Variants in CDH23 observed in about 807,000 individuals in gnomAD.
CDH23 encodes the protein cadherin related 23, also known as cadherin-23.
Under a neutral mutation model 317.1 loss-of-function variants are expected in CDH23, and 189 were observed. The ratio of observed to expected loss-of-function variants is 0.60; its 90% CI spans 0.53 to 0.67. The LOEUF (loss-of-function observed/expected upper bound fraction) is 0.67. Among genes scored for constraint, CDH23 ranks in the 30% least tolerant of loss-of-function variants. The probability of loss-of-function intolerance (pLI) is 0.00; values close to 1 mark genes in which losing one functional copy is unlikely to be tolerated. For synonymous variants in CDH23, 1,839 were observed against 1,876.8 expected (o/e 0.98, Z 0.52); for missense variants, 4,401 against 4,592.4 (o/e 0.96, Z 1.20).
intron 1 of CDH23, among the ~76,000 whole-genome samples, chr10:71,409,687 T>G (rs553477479): frequency 6.6e-6 from 1 of 152,218 alleles, no homozygotes; most frequent in East Asian, 1.9e-4. Context: ...GCCTGACCCC[T>G]GAGGAGCTCC....
At chr10:71,492,616 T>C (rs563152455) in intron 3 of CDH23, among the ~76,000 whole-genome samples, 1 of 152,320 alleles carries the variant, frequency 6.6e-6, no homozygotes, top group African/African-American at 2.4e-5. Context: ...CAGGTCACTC[T>C]CATTTTTTCA....
At chr10:71,505,511 G>A (rs1001265485) in intron 3 of CDH23, among the ~76,000 whole-genome samples, 3 of 152,134 alleles carry the variant, frequency 2.0e-5, no homozygotes, top group Admixed American at 6.5e-5. Flanking sequence ...ATTGGTTCCC[G>A]GCACTTCCCG....
rs12244884 is a variant in CDH23 at position 71,790,642 on chromosome 10, C to T, written c.6049+229C>T. The stretch of plus-strand genomic sequence containing the variant: ...GATACACAGGACCTCTGTTGGTGCA[C>T]GAACTCTCAGCCTGGGCCGGGAGCC... On this transcript the variant is annotated intron_variant, in intron 46 of 69. Coordinates refer to ENST00000224721, the MANE Select transcript of CDH23 (RefSeq NM_022124.6). 2,989 of 581,178 alleles carry T rather than the reference C, an allele frequency of 5.1e-3. 66 individuals are homozygous for T. The highest frequency in any genetic ancestry group is 0.051 in the African/African-American group (2,737 of 53,628). 36.0% of individuals were successfully genotyped at this position (581,178 alleles called of 1,614,324 possible). A position where few individuals can be genotyped will look rare whatever the true frequency, so the allele number is the denominator to read the frequency against.
At chr10:71,550,514 C>G (rs914698039) in intron 6 of CDH23, among the ~76,000 whole-genome samples, 1 of 130,702 alleles carries the variant, frequency 7.7e-6, no homozygotes, top group Non-Finnish European at 1.5e-5. Flanking sequence ...AAGCTGTGAT[C>G]GTGCCACTGC....
intron 9 of CDH23, among the ~76,000 whole-genome samples, chr10:71,585,188 T>C (rs1333411428): frequency 6.6e-6 from 1 of 151,746 alleles, no homozygotes; most frequent in Non-Finnish European, 1.5e-5. Flanking sequence ...GTACTGAAAA[T>C]AGATGATGTG....
chr10:71,547,449 G>A (rs1361313929), intron 6 of CDH23, among the ~76,000 whole-genome samples: 1 of 152,250 alleles, frequency 6.6e-6, no homozygotes, highest in African/African-American at 2.4e-5. Flanking sequence ...AGGCAGGCCA[G>A]GCAGCGCAGG....
At chr10:71,772,300 C>T (rs980973272) in intron 38 of CDH23, among the ~76,000 whole-genome samples, 1 of 152,128 alleles carries the variant, frequency 6.6e-6, no homozygotes, top group Non-Finnish European at 1.5e-5. Context: ...ATCACCCTCT[C>T]CTTCTATTCC....
chr10:71,570,664 G>T, intron 7 of CDH23, 126 bp from the exon 8 acceptor site: 3 of 1,015,282 alleles, frequency 3.0e-6, no homozygotes, highest in Non-Finnish European at 4.4e-6. Context: ...ATGGGTGTGT[G>T]TGTGCGTGTG....
Position 71,712,654 on chromosome 10 carries a change from A to C in CDH23, c.3221-11A>C, listed in dbSNP as rs1866022232. The stretch of plus-strand genomic sequence containing the variant: ...CAGCTGCTAACACCTGTCTTCCTTC[A>C]ACTCCCACAGACAACGGCCCTGTAG... On this transcript the variant is annotated splice_polypyrimidine_tract_variant and intron_variant, in intron 27 of 69. Coordinates refer to ENST00000224721, the MANE Select transcript of CDH23 (RefSeq NM_022124.6). 1.2e-6 allele frequency: 2 copies of C among 1,612,688 alleles called. No individual in the cohort carries two copies. The highest frequency in any genetic ancestry group is 1.7e-6 in the Non-Finnish European group (2 of 1,179,204).
In CDH23 at chr10:71,815,623, T is replaced by C; in HGVS notation, c.*345T>C. ...AAGAGGCCAAACAGGCCCTCCTCCC[T>C]CCCAGCTCCACCCCGCAAGCACCAT... On this transcript the variant is annotated 3_prime_UTR_variant, in exon 70 of 70. Coordinates refer to ENST00000224721, the MANE Select transcript of CDH23 (RefSeq NM_022124.6). 4.6e-6 allele frequency: 1 copy of C among 217,342 alleles called. No homozygotes were observed. Among genetic ancestry groups the C allele is most frequent in the Non-Finnish European group, 9.1e-6 (1 of 109,456 alleles). The allele number at this position is 217,342 out of a possible 1,614,324, so 13.5% of individuals were successfully genotyped here. A position where few individuals can be genotyped will look rare whatever the true frequency, so the allele number is the denominator to read the frequency against.
At chr10:71,614,157 C>T (rs1018235177) in intron 9 of CDH23, among the ~76,000 whole-genome samples, 1 of 152,212 alleles carries the variant, frequency 6.6e-6, no homozygotes, top group Non-Finnish European at 1.5e-5. Flanking sequence ...CTGTAAACAG[C>T]CCCTCCCTGC....
rs999996243 is a variant in CDH23 at position 71,397,350 on chromosome 10, C to G, written c.-6+32C>G. 6.5e-6 allele frequency: 1 copy of G among 152,924 alleles called. No individual in the cohort carries two copies. Among genetic ancestry groups the G allele is most frequent in the African/African-American group, 2.4e-5 (1 of 41,296 alleles). 9.5% of individuals were successfully genotyped at this position (152,924 alleles called of 1,614,324 possible). Reference sequence around the variant, plus strand: ...GGAGCCACGCACCGCCTCTTCCCTCCTCGCTTCCCTCTCCTTCCCCTCGCC... The same window carrying G: ...GGAGCCACGCACCGCCTCTTCCCTCGTCGCTTCCCTCTCCTTCCCCTCGCC... On this transcript the variant is annotated intron_variant, in intron 1 of 69. Coordinates refer to ENST00000224721, the MANE Select transcript of CDH23 (RefSeq NM_022124.6). The surrounding 1 kb of genome is among the most constrained non-coding windows in gnomAD (Gnocchi z 4.8).
At chr10:71,693,401 A>G (rs768595613) in intron 20 of CDH23, among the ~76,000 whole-genome samples, 28 of 152,248 alleles carry the variant, frequency 1.8e-4, no homozygotes, top group Non-Finnish European at 3.1e-4. Flanking sequence ...CGAACAAGAA[A>G]TGTTGTTTAA....
chr10:71,466,681 G>A (rs535946530), intron 3 of CDH23, among the ~76,000 whole-genome samples: 3 of 152,178 alleles, frequency 2.0e-5, no homozygotes, highest in African/African-American at 7.2e-5. Context: ...GTGCGTCCTT[G>A]TCCACATTTG....
In CDH23 at chr10:71,740,592, C is replaced by T. The variant is rs11818529; in HGVS notation, c.4489-230C>T. Reference sequence around the variant, plus strand: ...TTCCAAACGAGGATCCCAAGTCAGACGACGATTGGGCAAGAATCATTTGCA... The same window carrying T: ...TTCCAAACGAGGATCCCAAGTCAGATGACGATTGGGCAAGAATCATTTGCA... On this transcript the variant is annotated intron_variant, in intron 36 of 69. Coordinates refer to ENST00000224721, the MANE Select transcript of CDH23 (RefSeq NM_022124.6). 0.021 allele frequency among the ~76,000 whole-genome samples: 3,128 copies of T among 152,234 alleles called. 121 individuals carry two copies. The highest frequency in any genetic ancestry group is 0.07 in the African/African-American group (2,897 of 41,528).
chr10:71,598,539 G>A (rs967646673), intron 9 of CDH23, among the ~76,000 whole-genome samples: 3 of 152,190 alleles, frequency 2.0e-5, no homozygotes, highest in African/African-American at 7.2e-5. Flanking sequence ...CCCTCCTGCC[G>A]ACAGACTAGG....
At chr10:71,812,653 G>C (rs752177106) in intron 67 of CDH23, 44 bp downstream of exon 67, 2 of 1,613,042 alleles carry the variant, frequency 1.2e-6, no homozygotes, top group African/African-American at 2.7e-5. Context: ...AGGGGTGGAG[G>C]GGCTGGGTCT....
rs1840000734 is a variant in CDH23 at position 71,751,478 on chromosome 10, C to T, written c.4845+9557C>T. Among the ~76,000 whole-genome samples, 1 of 83,802 alleles carries T rather than the reference C, an allele frequency of 1.2e-5. No homozygotes were observed. Among genetic ancestry groups the T allele is most frequent in the Non-Finnish European group, 2.4e-5 (1 of 41,708 alleles). 55.0% of individuals were successfully genotyped at this position (83,802 alleles called of 152,430 possible). ...TGGGGGCCCCTCTGTCCCTCACCCT[C>T]AACCCCACCCCGTGAGGCCGTGGAA... On this transcript the variant is annotated intron_variant, in intron 38 of 69. Coordinates refer to ENST00000224721, the MANE Select transcript of CDH23 (RefSeq NM_022124.6). This position sits in a 1 kb window ranked among gnomAD's most constrained non-coding sequence, Gnocchi z 4.9.
chr10:71,804,519 C>G (rs1841652436), intron 55 of CDH23, among the ~76,000 whole-genome samples: 1 of 152,216 alleles, frequency 6.6e-6, no homozygotes, highest in South Asian at 2.1e-4. Flanking sequence ...CATGCTAAGT[C>G]CATCATGTCA....
Sources: allele counts gnomAD v4.1 joint callset (sites outside exome capture counted in the v4.1 genomes callset), GRCh38; gene constraint gnomAD v4.1.1; non-coding constraint Gnocchi (gnomAD v3.1); transcripts MANE v1.5; gene names NCBI Gene and HGNC (gene_info 2026-07-23, HGNC 2026-07-21).